Variants in SPRR2G observed in about 807,000 individuals in gnomAD.
SPRR2G encodes small proline-rich protein 2G.
SPRR2G carries 1 observed loss-of-function variant against 0.7 expected under a neutral mutation model. The observed-to-expected ratio is 1.49, with a 90% confidence interval of 0.53 to 7.06. The LOEUF (loss-of-function observed/expected upper bound fraction) is 7.06. Among genes scored for constraint, SPRR2G ranks in the 30% most tolerant of loss-of-function variants. SPRR2G has a pLI of 0.14. For missense variants in SPRR2G, 96 were observed against 88.5 expected, an observed-to-expected ratio of 1.09 and a Z score of -0.34; for synonymous variants, 38 against 33.9, an observed-to-expected ratio of 1.12 and a Z score of -0.42.
chr1:153,168,563 T>C, the SPRR2G span, among the ~76,000 whole-genome samples: 1 of 152,178 alleles, frequency 6.6e-6, no homozygotes, highest in Non-Finnish European at 1.5e-5. Flanking sequence ...TATTATCTGC[T>C]TGGGACATTA....
the SPRR2G span, chr1:153,176,199 G>A: frequency 6.6e-6 from 1 of 152,160 alleles, no homozygotes; most frequent in Non-Finnish European, 1.5e-5. Flanking sequence ...CGCTAACTGG[G>A]TCCTAGTATT....
the SPRR2G span, among the ~76,000 whole-genome samples, chr1:153,187,043 A>C: frequency 1.1e-4 from 16 of 152,180 alleles, no homozygotes; most frequent in Admixed American, 5.2e-4. Context: ...CTCTTCTGGC[A>C]TGTAGGGTTT....
At chr1:153,184,937 G>A in the SPRR2G span, among the ~76,000 whole-genome samples, 1 of 152,202 alleles carries the variant, frequency 6.6e-6, no homozygotes, top group Non-Finnish European at 1.5e-5. Context: ...TTTATTGAAG[G>A]CCTTTTCTGC....
the SPRR2G span, among the ~76,000 whole-genome samples, chr1:153,167,635 T>C: frequency 6.6e-5 from 10 of 152,316 alleles, no homozygotes; most frequent in Non-Finnish European, 1.0e-4. Flanking sequence ...AACTTAACTA[T>C]TACTCTGCTA....
At chr1:153,190,385 C>T in the SPRR2G span, 1 of 152,302 alleles carries the variant, frequency 6.6e-6, no homozygotes, top group Non-Finnish European at 1.5e-5. Context: ...CTAGAAGATG[C>T]TACCTGTCTT....
the SPRR2G span, among the ~76,000 whole-genome samples, chr1:153,155,919 C>T: frequency 6.6e-6 from 1 of 152,346 alleles, no homozygotes; most frequent in African/African-American, 2.4e-5. Context: ...CCATAAAACA[C>T]TCTGAGCTTT....
At chr1:153,177,535 AT>A in the SPRR2G span, among the ~76,000 whole-genome samples, 1 of 152,066 alleles carries the variant, frequency 6.6e-6, no homozygotes, top group Non-Finnish European at 1.5e-5. Context: ...AATATTAGCC[AT>A]TTTTGTGGGT....
At chr1:153,180,265 C>T in the SPRR2G span, among the ~76,000 whole-genome samples, 1 of 152,090 alleles carries the variant, frequency 6.6e-6, no homozygotes, top group Non-Finnish European at 1.5e-5. Flanking sequence ...AAAAGCAGTC[C>T]GAGTCACTAC....
chr1:153,154,733 A>G (rs1318638346), upstream of SPRR2G, among the ~76,000 whole-genome samples: 2 of 151,674 alleles, frequency 1.3e-5, no homozygotes, highest in African/African-American at 4.8e-5. Context: ...ATTAATTTGA[A>G]TCTTCTCTCC....
At chr1:153,181,013 T>C in the SPRR2G span, among the ~76,000 whole-genome samples, 1 of 152,158 alleles carries the variant, frequency 6.6e-6, no homozygotes, top group Admixed American at 6.6e-5. Flanking sequence ...TGTATATATG[T>C]TCTGGGAACA....
chr1:153,173,072 G>T, the SPRR2G span, among the ~76,000 whole-genome samples: 3 of 152,208 alleles, frequency 2.0e-5, no homozygotes, highest in Non-Finnish European at 4.4e-5. Context: ...AGCACAGCTG[G>T]TTAATGTCAG....
the SPRR2G span, among the ~76,000 whole-genome samples, chr1:153,172,485 C>T: frequency 2.0e-5 from 3 of 152,070 alleles, no homozygotes; most frequent in African/African-American, 7.2e-5. Context: ...TGCACCTTTC[C>T]TTTGGCTGCC....
the SPRR2G span, among the ~76,000 whole-genome samples, chr1:153,178,968 CTCAG>C: frequency 1.3e-5 from 2 of 152,096 alleles, no homozygotes; most frequent in African/African-American, 2.4e-5. Context: ...TAGAGATTGT[CTCAG>C]TCAGGGTACA....
At chr1:153,188,771 G>T in the SPRR2G span, among the ~76,000 whole-genome samples, 1 of 152,200 alleles carries the variant, frequency 6.6e-6, no homozygotes, top group Non-Finnish European at 1.5e-5. Flanking sequence ...CAGCCACCTA[G>T]TTTTGTGCTT....
chr1:153,187,651 C>T, the SPRR2G span, among the ~76,000 whole-genome samples: 2 of 152,038 alleles, frequency 1.3e-5, no homozygotes, highest in African/African-American at 4.8e-5. Context: ...AGAACATGCT[C>T]CTTTAGCTCA....
the SPRR2G span, among the ~76,000 whole-genome samples, chr1:153,157,264 A>G: frequency 6.6e-6 from 1 of 152,174 alleles, no homozygotes; most frequent in African/African-American, 2.4e-5. Flanking sequence ...AAGTGTGATG[A>G]TCATCTTGTG....
At chr1:153,185,068 G>A in the SPRR2G span, among the ~76,000 whole-genome samples, 1 of 152,192 alleles carries the variant, frequency 6.6e-6, no homozygotes, top group Admixed American at 6.5e-5. Flanking sequence ...CCTGATTGTG[G>A]TGGATAAGCT....
the SPRR2G span, among the ~76,000 whole-genome samples, chr1:153,184,785 T>C: frequency 6.6e-6 from 1 of 152,306 alleles, no homozygotes; most frequent in East Asian, 1.9e-4. Flanking sequence ...CTTGTGCAGG[T>C]TTTCAAAGGT....
At chr1:153,151,327 C>T (rs900361683), upstream of SPRR2G, among the ~76,000 whole-genome samples, 3 of 152,172 alleles carry the variant, frequency 2.0e-5, no homozygotes, top group Admixed American at 6.5e-5. Flanking sequence ...TTTTTCTTTA[C>T]AACTAACTTC....
Sources: allele counts gnomAD v4.1 joint callset (sites outside exome capture counted in the v4.1 genomes callset), GRCh38; gene constraint gnomAD v4.1.1; transcripts MANE v1.5; gene names NCBI Gene and HGNC (gene_info 2026-07-23, HGNC 2026-07-21).